SPTLC2: variants seen among roughly 807,000 people sequenced by gnomAD.
The protein encoded by SPTLC2 is serine palmitoyltransferase 2.
SPTLC2 carries 21 observed loss-of-function variants against 62.0 expected under a neutral mutation model. That is an observed-to-expected ratio of 0.34 (90% CI 0.24 to 0.49). The LOEUF (loss-of-function observed/expected upper bound fraction) is 0.49. Ranked by LOEUF, SPTLC2 falls within the 20% of genes least tolerant of loss-of-function variation. The probability of loss-of-function intolerance (pLI) is 0.99; values close to 1 mark genes in which losing one functional copy is unlikely to be tolerated. For synonymous variants in SPTLC2, 261 were observed against 261.8 expected, an observed-to-expected ratio of 1.00 and a Z score of 0.03; for missense variants, 511 against 713.0, an observed-to-expected ratio of 0.72 and a Z score of 3.23.
At chr14:77,549,712 A>T (rs888789824) in intron 9 of SPTLC2, among the ~76,000 whole-genome samples, 2 of 152,158 alleles carry the variant, frequency 1.3e-5, no homozygotes, top group Non-Finnish European at 2.9e-5. Context: ...CACATCACTA[A>T]GCTTTGGGGG....
chr14:77,577,265 C>T (rs529646316), intron 3 of SPTLC2, among the ~76,000 whole-genome samples: 1 of 151,900 alleles, frequency 6.6e-6, no homozygotes, highest in African/African-American at 2.4e-5. Context: ...AGAATATATA[C>T]ACATGAGGAT....
chr14:77,515,944 A>G (rs1054284067), intron 11 of SPTLC2, among the ~76,000 whole-genome samples: 1 of 125,710 alleles, frequency 8.0e-6, no homozygotes, highest in Non-Finnish European at 1.8e-5. Context: ...TTGTGTGCTG[A>G]TCTTTTACCC....
intron 1 of SPTLC2, among the ~76,000 whole-genome samples, chr14:77,609,838 C>T (rs1424376752): frequency 6.6e-6 from 1 of 152,086 alleles, no homozygotes; most frequent in Non-Finnish European, 1.5e-5. Context: ...CTGCGGTGAG[C>T]CATGTCCTGC....
intron 9 of SPTLC2, among the ~76,000 whole-genome samples, chr14:77,526,770 C>T (rs973570944): frequency 6.6e-6 from 1 of 151,540 alleles, no homozygotes; most frequent in African/African-American, 2.4e-5. Flanking sequence ...GATCAATATG[C>T]TGTAACAGCA....
chr14:77,565,379 A>G (rs1256548336), intron 5 of SPTLC2, among the ~76,000 whole-genome samples: 1 of 152,172 alleles, frequency 6.6e-6, no homozygotes, highest in Non-Finnish European at 1.5e-5. Flanking sequence ...CTCTGCCACA[A>G]TATATGGTGA....
chr14:77,589,015 A>G (rs1372287786), intron 2 of SPTLC2, among the ~76,000 whole-genome samples: 1 of 121,614 alleles, frequency 8.2e-6, no homozygotes. Context: ...AAAAAAAAAA[A>G]AAAAAAAAAA....
rs548303266 is a variant in SPTLC2, at chr14:77,506,420, CTCT to C, written c.*5861_*5863del. ...CTCAGCTCTCCCATAAGCTATTGCT[CTCT>C]TCTTCTCTTTCCCCCTTCTCTTAAT... is the stretch of plus-strand genomic sequence containing the variant. On this transcript the variant is annotated 3_prime_UTR_variant, in exon 12 of 12. Transcript: ENST00000216484. The C allele has an allele frequency of 5.9e-5, 9 of 152,296 alleles. No homozygotes were observed. Among genetic ancestry groups the C allele is most frequent in the Non-Finnish European group, 7.4e-5 (5 of 68,024 alleles). 9.4% of individuals were successfully genotyped at this position (152,296 alleles called of 1,614,324 possible).
intron 9 of SPTLC2, among the ~76,000 whole-genome samples, chr14:77,549,478 T>C (rs949767585): frequency 6.6e-6 from 1 of 152,118 alleles, no homozygotes; most frequent in African/African-American, 2.4e-5. Context: ...GGTGCTCTGG[T>C]CAACAGCCTC....
chr14:77,593,430 G>A (rs1262564942), intron 2 of SPTLC2, among the ~76,000 whole-genome samples: 1 of 152,090 alleles, frequency 6.6e-6, no homozygotes, highest in South Asian at 2.1e-4. Flanking sequence ...AGCTTTTGCT[G>A]TATCTGTCAC....
At chr14:77,603,602 A>G (rs567740958) in intron 1 of SPTLC2, among the ~76,000 whole-genome samples, 1 of 152,338 alleles carries the variant, frequency 6.6e-6, no homozygotes, top group Non-Finnish European at 1.5e-5. Flanking sequence ...TGTAGGCAGC[A>G]TAAATTCCTT....
chr14:77,566,842 A>T (rs527512669), intron 5 of SPTLC2, among the ~76,000 whole-genome samples: 10 of 149,908 alleles, frequency 6.7e-5, no homozygotes, highest in South Asian at 6.4e-4. Flanking sequence ...CTGCCATCAA[A>T]CTGAGCAATT....
At chr14:77,556,495 T>C (rs554663785) in intron 7 of SPTLC2, among the ~76,000 whole-genome samples, 119 of 125,278 alleles carry the variant, frequency 9.5e-4, no homozygotes, top group Middle Eastern at 7.6e-3. Context: ...ACAAAAAAAA[T>C]TAGGTGGTAA....
chr14:77,524,879 T>C (rs1009751250), intron 9 of SPTLC2, among the ~76,000 whole-genome samples: 26 of 151,986 alleles, frequency 1.7e-4, no homozygotes, highest in African/African-American at 4.3e-4. Context: ...TGAAGAGAGG[T>C]TGGTTAATGG....
rs1053347245 is a variant in SPTLC2, at chr14:77,506,752, A to G, written c.*5532T>C. On this transcript the variant is annotated 3_prime_UTR_variant, in exon 12 of 12. Transcript: ENST00000216484. The stretch of plus-strand genomic sequence containing the variant: ...TGAGTTGGCTTGAGTCTCCTCGTGC[A>G]TAGAAGCATTCACTCATCCATGCAG... 6.6e-6 allele frequency: 1 copy of G among 152,070 alleles called. No homozygotes were observed. The highest frequency in any genetic ancestry group is 1.5e-5 in the Non-Finnish European group (1 of 67,998). 9.4% of individuals were successfully genotyped at this position (152,070 alleles called of 1,614,324 possible). A position where few individuals can be genotyped will look rare whatever the true frequency, so the allele number is the denominator to read the frequency against.
chr14:77,525,819 C>T (rs910810853), intron 9 of SPTLC2, among the ~76,000 whole-genome samples: 5 of 152,090 alleles, frequency 3.3e-5, no homozygotes, highest in Non-Finnish European at 7.4e-5. Flanking sequence ...GAGGCTGAGG[C>T]GAGAGAATGG....
rs1230947878 is a variant in SPTLC2 at position 77,616,478 on chromosome 14, A to T, written c.102T>A (p.Ala34=). 6.6e-7 allele frequency: 1 copy of T among 1,508,082 alleles called. No individual in the cohort carries two copies. 93.4% of individuals were successfully genotyped at this position (1,508,082 alleles called of 1,614,324 possible). Residue 34 remains alanine (A), a synonymous_variant, in exon 1 of 12, where the codon GCT becomes GCA. Coordinates refer to ENST00000216484, the MANE Select transcript of SPTLC2 (RefSeq NM_004863.4). ...EVRNGYVRSS[A]AAAAAAAAGQ... is the part of the protein sequence containing the mutation. Reference sequence around the variant, plus strand: ...CGGCGGCGGCTGCGGCTGCGGCTGCAGCGCTGCTCCTCACGTACCCGTTCC... The same window carrying T: ...CGGCGGCGGCTGCGGCTGCGGCTGCTGCGCTGCTCCTCACGTACCCGTTCC...
chr14:77,616,281 C>G (rs2079966524), intron 1 of SPTLC2, among the ~76,000 whole-genome samples, 167 bp downstream of exon 1: 1 of 152,196 alleles, frequency 6.6e-6, no homozygotes, highest in Non-Finnish European at 1.5e-5. Context: ...CCTTGAGCCT[C>G]CAGGCTCGTG....
intron 9 of SPTLC2, among the ~76,000 whole-genome samples, chr14:77,538,013 A>G (rs2079479862): frequency 1.3e-5 from 2 of 152,192 alleles, no homozygotes; most frequent in Non-Finnish European, 2.9e-5. Flanking sequence ...CCAATTCTCC[A>G]TTTTCTATTT....
intron 9 of SPTLC2, among the ~76,000 whole-genome samples, chr14:77,549,613 C>A (rs1035715977): frequency 1.3e-5 from 2 of 152,140 alleles, no homozygotes; most frequent in Non-Finnish European, 2.9e-5. Flanking sequence ...CAGCCCCAGA[C>A]AACAGAGCAA....
Sources: allele counts gnomAD v4.1 joint callset (sites outside exome capture counted in the v4.1 genomes callset), GRCh38; gene constraint gnomAD v4.1.1; transcripts MANE v1.5; gene names NCBI Gene and HGNC (gene_info 2026-07-23, HGNC 2026-07-21).